Variants in TENM2 observed in about 807,000 individuals in gnomAD.
The protein encoded by TENM2 is teneurin-2.
Under a neutral mutation model 245.2 loss-of-function variants are expected in TENM2, and 52 were observed. That is an observed-to-expected ratio of 0.21 (90% CI 0.17 to 0.27). The LOEUF (loss-of-function observed/expected upper bound fraction) is 0.27. TENM2 is among the 10% of genes least tolerant of loss of function. The pLI is 1.00. For synonymous variants in TENM2, 1,363 were observed against 1,438.9 expected, an observed-to-expected ratio of 0.95 and a Z score of 1.19; for missense variants, 3,046 against 3,666.8, an observed-to-expected ratio of 0.83 and a Z score of 4.37.
chr5:168,191,792 C>T (rs893252830), intron 14 of TENM2, among the ~76,000 whole-genome samples: 2 of 152,064 alleles, frequency 1.3e-5, no homozygotes, highest in Admixed American at 6.6e-5. Flanking sequence ...TCTCATGAGC[C>T]TTTCATCGGT....
intron 2 of TENM2, among the ~76,000 whole-genome samples, chr5:167,745,994 C>T (rs1279411063): frequency 6.6e-6 from 1 of 152,118 alleles, no homozygotes; most frequent in Non-Finnish European, 1.5e-5. Flanking sequence ...TTAAATGCTA[C>T]TTCTTACATG....
chr5:167,577,592 T>G (rs1295428869), intron 2 of TENM2, among the ~76,000 whole-genome samples: 1 of 152,222 alleles, frequency 6.6e-6, no homozygotes, highest in East Asian at 1.9e-4. Flanking sequence ...AAATACATTT[T>G]TTTTTGTACT....
At chr5:167,922,382 C>T (rs2151642928) in intron 3 of TENM2, among the ~76,000 whole-genome samples, 1 of 140,712 alleles carries the variant, frequency 7.1e-6, no homozygotes, top group Non-Finnish European at 1.5e-5. Flanking sequence ...CTCCCTTTTC[C>T]AGCCCCTCTA....
At chr5:167,110,710 T>A in the TENM2 span, among the ~76,000 whole-genome samples, 1 of 152,214 alleles carries the variant, frequency 6.6e-6, no homozygotes, top group Admixed American at 6.5e-5. Context: ...TATTCTCTTA[T>A]GTGGGATCTT....
chr5:167,887,774 G>C (rs1469421195), intron 3 of TENM2, among the ~76,000 whole-genome samples: 3 of 152,232 alleles, frequency 2.0e-5, no homozygotes, highest in African/African-American at 7.2e-5. Context: ...CCCTAACAAA[G>C]TACCACGAAC....
intron 5 of TENM2, among the ~76,000 whole-genome samples, chr5:168,035,937 A>G (rs1014602912): frequency 2.6e-5 from 4 of 152,228 alleles, no homozygotes; most frequent in African/African-American, 9.6e-5. Flanking sequence ...AAATAAGACT[A>G]GTAGGAGATG....
At chr5:167,195,241 G>A in the TENM2 span, among the ~76,000 whole-genome samples, 6 of 151,992 alleles carry the variant, frequency 3.9e-5, no homozygotes, top group Non-Finnish European at 5.9e-5. Flanking sequence ...GGGGTTTAGT[G>A]TCCTATCTGG....
intron 9 of TENM2, among the ~76,000 whole-genome samples, chr5:168,099,078 T>C (rs1056678020): frequency 4.6e-5 from 7 of 152,020 alleles, no homozygotes; most frequent in African/African-American, 1.7e-4. Context: ...CCCGGCTAAT[T>C]TTTGTATTTT....
intron 3 of TENM2, among the ~76,000 whole-genome samples, chr5:167,924,281 A>G (rs1220052597): frequency 1.3e-5 from 2 of 151,844 alleles, no homozygotes; most frequent in African/African-American, 4.8e-5. Context: ...GCTCTTGCTG[A>G]CTCCTCTGTC....
At chr5:167,387,262 G>T (rs914404560) in intron 2 of TENM2, among the ~76,000 whole-genome samples, 2 of 151,548 alleles carry the variant, frequency 1.3e-5, no homozygotes, top group Admixed American at 1.3e-4. Flanking sequence ...TGTTGTTGTT[G>T]TTGTTGTTTT....
chr5:168,115,409 G>GAA (rs1795001526), intron 9 of TENM2, among the ~76,000 whole-genome samples: 1 of 55,264 alleles, frequency 1.8e-5, no homozygotes, highest in Admixed American at 1.5e-4. Context: ...AGGAAGGAAG[G>GAA]GAAAGGAAAG....
chr5:168,254,775 G>A (rs1300889370), intron 27 of TENM2, among the ~76,000 whole-genome samples: 3 of 152,268 alleles, frequency 2.0e-5, no homozygotes, highest in Non-Finnish European at 4.4e-5. Flanking sequence ...AGCCAGTTGC[G>A]GTGGCTTACG....
At chr5:167,947,351 A>G (rs554383707) in intron 3 of TENM2, among the ~76,000 whole-genome samples, 1 of 152,330 alleles carries the variant, frequency 6.6e-6, no homozygotes, top group South Asian at 2.1e-4. Flanking sequence ...CCTTAAAAAT[A>G]TATTTCCATT....
intron 2 of TENM2, among the ~76,000 whole-genome samples, chr5:167,425,877 T>G (rs1263998593): frequency 6.6e-6 from 1 of 152,216 alleles, no homozygotes; most frequent in East Asian, 1.9e-4. Context: ...GCTCAATCAC[T>G]TATTATTATT....
chr5:167,283,514 T>C (rs1771172501), upstream of TENM2, among the ~76,000 whole-genome samples: 1 of 152,134 alleles, frequency 6.6e-6, no homozygotes, highest in Admixed American at 6.6e-5. Context: ...TGCAGGCAAA[T>C]GTCATCCACA....
chr5:167,363,049 GAAC>G (rs1216306725), intron 1 of TENM2, among the ~76,000 whole-genome samples: 1 of 152,070 alleles, frequency 6.6e-6, no homozygotes, highest in Non-Finnish European at 1.5e-5. Flanking sequence ...AGCTTGATCA[GAAC>G]AACAACAACA....
chr5:167,423,309 C>T (rs546778169), intron 2 of TENM2, among the ~76,000 whole-genome samples: 5 of 152,038 alleles, frequency 3.3e-5, no homozygotes, highest in East Asian at 3.9e-4. Context: ...GGCTTTGCCA[C>T]GCCATGTTTG....
At chr5:167,489,945 A>T (rs1345093688) in intron 2 of TENM2, among the ~76,000 whole-genome samples, 1 of 152,186 alleles carries the variant, frequency 6.6e-6, no homozygotes, top group African/African-American at 2.4e-5. Context: ...CTATTACTGG[A>T]TATGTACATA....
chr5:168,152,043 A>G (rs1398312064), intron 12 of TENM2, among the ~76,000 whole-genome samples: 1 of 152,250 alleles, frequency 6.6e-6, no homozygotes, highest in Non-Finnish European at 1.5e-5. Flanking sequence ...TCCTGGCTCC[A>G]CCATGAACCC....
Sources: gnomAD v4.1 joint callset for allele counts (sites outside exome capture counted in the v4.1 genomes callset) on GRCh38, gnomAD v4.1.1 for gene constraint, MANE v1.5 for transcripts, NCBI Gene and HGNC (gene_info 2026-07-23, HGNC 2026-07-21) for gene names.